Variants in PCDHGB4 observed in about 807,000 individuals in gnomAD.
PCDHGB4 encodes the protein protocadherin gamma subfamily B, 4.
PCDHGB4 carries 38 observed loss-of-function variants against 60.5 expected under a neutral mutation model. The observed-to-expected ratio is 0.63, with a 90% confidence interval of 0.48 to 0.82. PCDHGB4 has a LOEUF of 0.82. Among genes scored for constraint, PCDHGB4 ranks in the 40% least tolerant of loss-of-function variants. The pLI is 0.00. For synonymous variants in PCDHGB4, 456 were observed against 509.7 expected (o/e 0.89, Z 1.42); for missense variants, 1,109 against 1,209.6 (o/e 0.92, Z 1.23).
intron 1 of PCDHGB4, among the ~76,000 whole-genome samples, chr5:141,482,799 C>T (rs933003208): frequency 6.6e-6 from 1 of 152,086 alleles, no homozygotes; most frequent in Non-Finnish European, 1.5e-5. Flanking sequence ...TGGCCGGGTA[C>T]GGTGGCTCAT....
rs754411917 is a variant in PCDHGB4, at chr5:141,388,622, A to G, written c.738A>G (p.Val246=). The change falls in exon 1 of 4, where the codon GTA becomes GTG. Residue 246 remains valine, a synonymous_variant. Coordinates refer to ENST00000519479, the MANE Select transcript of PCDHGB4 (RefSeq NM_003736.4). ...ATGCTCCAGTGTTCAGTCAAGACGT[A>G]TACAGGGTGAGCCTTTCAGAAAACG... ...NDNAPVFSQD[V]YRVSLSENVY... 1.9e-6 allele frequency: 3 copies of G among 1,613,952 alleles called. No individual in the cohort carries two copies. Among genetic ancestry groups the G allele is most frequent in the South Asian group, 1.1e-5 (1 of 91,082 alleles).
intron 1 of PCDHGB4, among the ~76,000 whole-genome samples, chr5:141,457,319 G>A (rs914658873): frequency 7.9e-5 from 12 of 152,086 alleles, no homozygotes; most frequent in East Asian, 3.8e-4. Flanking sequence ...AGAAACCTCC[G>A]GGTTACAGGT....
At chr5:141,484,876 A>C in intron 1 of PCDHGB4, 1 of 315,240 alleles carries the variant, frequency 3.2e-6, no homozygotes, top group Non-Finnish European at 5.8e-6. Flanking sequence ...CGTGGAGGAT[A>C]GGGTGGGCTT....
chr5:141,419,165 A>G, intron 1 of PCDHGB4: 1 of 1,613,978 alleles, frequency 6.2e-7, no homozygotes, highest in Non-Finnish European at 8.5e-7. Flanking sequence ...ATCCTCCAGC[A>G]AAACCATAAC....
intron 1 of PCDHGB4, among the ~76,000 whole-genome samples, chr5:141,465,137 GGGGA>G (rs2099097662): frequency 2.0e-5 from 3 of 151,520 alleles, no homozygotes; most frequent in Non-Finnish European, 4.4e-5. Context: ...AAAAAGTTTA[GGGGA>G]TATATGAAGG....
intron 1 of PCDHGB4, chr5:141,410,576 C>T (rs533810160): frequency 8.7e-6 from 14 of 1,611,152 alleles, no homozygotes; most frequent in Non-Finnish European, 1.2e-5. Context: ...AATTCCACCT[C>T]ATGGTGGGGA....
chr5:141,456,312 GCTC>G (rs2098849548), intron 1 of PCDHGB4, among the ~76,000 whole-genome samples: 1 of 152,126 alleles, frequency 6.6e-6, no homozygotes, highest in Admixed American at 6.6e-5. Context: ...AGCAGCTAGG[GCTC>G]CTCCTGGGGT....
At chr5:141,473,501 G>C (rs1053399138) in intron 1 of PCDHGB4, among the ~76,000 whole-genome samples, 7 of 152,188 alleles carry the variant, frequency 4.6e-5, no homozygotes, top group African/African-American at 1.7e-4. Context: ...GGTGTTCTGA[G>C]AGAGCATAAC....
At position 141,432,950 on chromosome 5, in the gene PCDHGB4, G is replaced by A. The variant is rs750033444; in HGVS notation, c.2397+42669G>A. 9.9e-6 allele frequency: 16 copies of A among 1,614,190 alleles called. No individual in the cohort carries two copies. The highest frequency in any genetic ancestry group is 1.3e-5 in the African/African-American group (1 of 75,060). ...ACGCCTGCTGCAGGCTTCAGGAGGC[G>A]GCTTGACAGGAGCGCCGGCGTCGCA... is the stretch of plus-strand genomic sequence containing the variant. On this transcript the variant is annotated intron_variant, in intron 1 of 3. Coordinates refer to ENST00000519479, the MANE Select transcript of PCDHGB4 (RefSeq NM_003736.4). This position sits in a 1 kb window ranked among gnomAD's most constrained non-coding sequence, Gnocchi z 6.0.
chr5:141,402,949 A>C, intron 1 of PCDHGB4: 2 of 1,594,986 alleles, frequency 1.3e-6, no homozygotes, highest in South Asian at 1.1e-5. Flanking sequence ...AAAGCGAGGC[A>C]GCAATGGCAG....
At chr5:141,422,636 C>T in intron 1 of PCDHGB4, 3 of 1,612,584 alleles carry the variant, frequency 1.9e-6, no homozygotes, top group Non-Finnish European at 2.5e-6. Context: ...CCCAGGGGTG[C>T]CTCCATCTTC....
chr5:141,482,514 G>A (rs2099563611), intron 1 of PCDHGB4, among the ~76,000 whole-genome samples: 1 of 130,122 alleles, frequency 7.7e-6, no homozygotes. Flanking sequence ...CCAGAGTACA[G>A]TATGAGACAG....
chr5:141,394,290 G>A (rs759077173), intron 1 of PCDHGB4: 11 of 1,613,800 alleles, frequency 6.8e-6, no homozygotes, highest in Non-Finnish European at 8.5e-6. Context: ...CTCTGTGACC[G>A]AGGACACGCT....
At chr5:141,409,034 AACT>A in intron 1 of PCDHGB4, 6 of 1,613,992 alleles carry the variant, frequency 3.7e-6, no homozygotes, top group Non-Finnish European at 4.2e-6. Flanking sequence ...TGCTGAGATA[AACT>A]ACTACTTCCG....
intron 1 of PCDHGB4, among the ~76,000 whole-genome samples, chr5:141,467,823 T>A (rs1225960296): frequency 1.3e-5 from 2 of 152,012 alleles, no homozygotes; most frequent in African/African-American, 2.4e-5. Flanking sequence ...CACACCAGGC[T>A]GATTTTTATA....
rs759346998 is a variant in PCDHGB4, at chr5:141,410,849, CTTTTTTTTTT to C, written c.2397+20581_2397+20590del. Reference sequence around the variant, plus strand: ...CAGACTGAAGATATTTTGTCTTTGTCTTTTTTTTTTTTTTTTTTTTTTGAGATGGAGTCTC... The same window carrying C: ...CAGACTGAAGATATTTTGTCTTTGTCTTTTTTTTTTTTGAGATGGAGTCTC... On this transcript the variant is annotated intron_variant, in intron 1 of 3. Coordinates refer to ENST00000519479, the MANE Select transcript of PCDHGB4 (RefSeq NM_003736.4). 8 of 138,182 alleles carry C rather than the reference CTTTTTTTTTT, an allele frequency of 5.8e-5. 2 individuals are homozygous for C. The highest frequency in any genetic ancestry group is 7.3e-5 in the Non-Finnish European group (6 of 82,424). 8.6% of individuals were successfully genotyped at this position (138,182 alleles called of 1,614,324 possible). A position where few individuals can be genotyped will look rare whatever the true frequency, so the allele number is the denominator to read the frequency against.
intron 1 of PCDHGB4, chr5:141,393,706 C>T: frequency 1.2e-6 from 2 of 1,613,798 alleles, no homozygotes; most frequent in African/African-American, 1.3e-5. Flanking sequence ...AATGAAAATA[C>T]TGGGGAAATA....
Position 141,490,140 on chromosome 5 carries a change from G to T in PCDHGB4, c.2398-4667G>T. On this transcript the variant is annotated intron_variant, in intron 1 of 3. Transcript: ENST00000519479. This position sits in a 1 kb window ranked among gnomAD's most constrained non-coding sequence, Gnocchi z 5.4. Reference sequence around the variant, plus strand: ...TCTTTGGCCTAGACCCTAGCAGTGGGGCAATCCATGTGTTGGGTCCCATAG... The same window carrying T: ...TCTTTGGCCTAGACCCTAGCAGTGGTGCAATCCATGTGTTGGGTCCCATAG... 1 of 1,614,206 alleles carries T rather than the reference G, an allele frequency of 6.2e-7. No homozygotes were observed. The highest frequency in any genetic ancestry group is 8.5e-7 in the Non-Finnish European group (1 of 1,180,026).
rs369940443 is a variant in PCDHGB4, at chr5:141,477,841, C to G, written c.2398-16966C>G. 6.2e-7 allele frequency: 1 copy of G among 1,613,308 alleles called. No individual in the cohort carries two copies. The highest frequency in any genetic ancestry group is 1.3e-5 in the African/African-American group (1 of 74,700). On this transcript the variant is annotated intron_variant, in intron 1 of 3. Coordinates refer to ENST00000519479, the MANE Select transcript of PCDHGB4 (RefSeq NM_003736.4). The surrounding 1 kb of genome is among the most constrained non-coding windows in gnomAD (Gnocchi z 4.9). ...TCCTATATCCTCGGCCAGGTGGGAG[C>G]TCGGTGGAGATGCTGCCTCGAGGTA...
Sources: allele counts gnomAD v4.1 joint callset (sites outside exome capture counted in the v4.1 genomes callset), GRCh38; gene constraint gnomAD v4.1.1; non-coding constraint Gnocchi (gnomAD v3.1); transcripts MANE v1.5; gene names NCBI Gene and HGNC (gene_info 2026-07-23, HGNC 2026-07-21).